PRKCE: variants seen among roughly 807,000 people sequenced by gnomAD.
The protein encoded by PRKCE is protein kinase C epsilon type.
In PRKCE, 16 loss-of-function variants were observed where a neutral mutation model predicts 85.4. The observed-to-expected ratio is 0.19, with a 90% CI of 0.13 to 0.28. The LOEUF is 0.28. Ranked by LOEUF, PRKCE falls within the 10% of genes least tolerant of loss-of-function variation. The pLI is 1.00. For missense variants in PRKCE, 573 were observed against 975.2 expected, an observed-to-expected ratio of 0.59 and a Z score of 5.49; for synonymous variants, 388 against 371.5, an observed-to-expected ratio of 1.04 and a Z score of -0.51.
intron 8 of PRKCE, among the ~76,000 whole-genome samples, chr2:46,006,877 T>C (rs1705248263): frequency 6.6e-6 from 1 of 152,218 alleles, no homozygotes; most frequent in African/African-American, 2.4e-5. Context: ...ATAAGCCCAT[T>C]GCTCATTTTG....
intron 1 of PRKCE, among the ~76,000 whole-genome samples, chr2:45,836,733 C>G (rs1185099548): frequency 6.6e-6 from 1 of 152,186 alleles, no homozygotes. Flanking sequence ...TCCTTTCTCA[C>G]TCTCCACCCT....
chr2:45,789,917 A>T (rs1049902082), intron 1 of PRKCE, among the ~76,000 whole-genome samples: 3 of 152,234 alleles, frequency 2.0e-5, no homozygotes, highest in African/African-American at 7.2e-5. Context: ...TCTGACACCT[A>T]AATGGTAGTG....
intron 1 of PRKCE, among the ~76,000 whole-genome samples, chr2:45,707,592 A>G (rs1477210974): frequency 6.6e-6 from 1 of 152,096 alleles, no homozygotes; most frequent in Admixed American, 6.6e-5. Flanking sequence ...CTTTTGGGAG[A>G]GGCTTTATCT....
chr2:45,919,019 A>G (rs1054873345), intron 2 of PRKCE, among the ~76,000 whole-genome samples: 5 of 152,096 alleles, frequency 3.3e-5, no homozygotes, highest in African/African-American at 9.7e-5. Context: ...AGCCACCTGG[A>G]GAGGGTGTCA....
chr2:45,748,206 G>T (rs1683287588), intron 1 of PRKCE, among the ~76,000 whole-genome samples: 1 of 152,190 alleles, frequency 6.6e-6, no homozygotes, highest in African/African-American at 2.4e-5. Context: ...TATATGCCAG[G>T]CATCATCTCA....
At chr2:45,919,207 T>G (rs1157724789) in intron 2 of PRKCE, among the ~76,000 whole-genome samples, 1 of 152,238 alleles carries the variant, frequency 6.6e-6, no homozygotes, top group Non-Finnish European at 1.5e-5. Flanking sequence ...AATTGGGCTC[T>G]TGGGCTGATG....
Position 45,770,101 on chromosome 2 carries a change from C to A in PRKCE, c.349-72899C>A, listed in dbSNP as rs1207694523. Among the ~76,000 whole-genome samples, 3 of 152,178 alleles carry A rather than the reference C, an allele frequency of 2.0e-5. No individual in the cohort carries two copies. In the East Asian group the frequency reaches 5.8e-4, roughly 29 times the overall value. On this transcript the variant is annotated intron_variant, in intron 1 of 14. Transcript: ENST00000306156. ...CTTCTCTATGCGCATGTCTTTTATC[C>A]CCTCTCTTGGGTGGCTCCTGCAGTA...
chr2:45,805,204 A>T (rs549124700), intron 1 of PRKCE, among the ~76,000 whole-genome samples: 11 of 152,350 alleles, frequency 7.2e-5, no homozygotes, highest in Non-Finnish European at 1.5e-4. Context: ...TTCCTATCTT[A>T]CAGATGAGAA....
At chr2:46,106,298 G>T (rs1473099707) in intron 11 of PRKCE, among the ~76,000 whole-genome samples, 1 of 152,100 alleles carries the variant, frequency 6.6e-6, no homozygotes, top group Admixed American at 6.5e-5. Context: ...TCTTCTCATT[G>T]CTTATCTGTG....
chr2:45,835,749 C>G (rs1035951589), intron 1 of PRKCE, among the ~76,000 whole-genome samples: 2 of 151,988 alleles, frequency 1.3e-5, no homozygotes, highest in African/African-American at 2.4e-5. Context: ...CACCACCATG[C>G]TCAGCTATTT....
chr2:45,682,583 T>C (rs1401909283), intron 1 of PRKCE, among the ~76,000 whole-genome samples: 2 of 152,088 alleles, frequency 1.3e-5, no homozygotes, highest in African/African-American at 2.4e-5. Flanking sequence ...CACATCACCT[T>C]GCCTGGCTAA....
At chr2:46,047,091 C>G (rs931634307) in intron 10 of PRKCE, among the ~76,000 whole-genome samples, 1 of 152,186 alleles carries the variant, frequency 6.6e-6, no homozygotes, top group African/African-American at 2.4e-5. Flanking sequence ...ATGATTGAGG[C>G]AGGAATCCAA....
At chr2:45,789,336 A>C (rs887353043) in intron 1 of PRKCE, among the ~76,000 whole-genome samples, 11 of 152,244 alleles carry the variant, frequency 7.2e-5, no homozygotes, top group Non-Finnish European at 1.3e-4. Context: ...TACATTTATT[A>C]AAATACTGTT....
intron 3 of PRKCE, among the ~76,000 whole-genome samples, chr2:45,977,186 T>A (rs1310431647): frequency 6.6e-6 from 1 of 152,162 alleles, no homozygotes; most frequent in East Asian, 1.9e-4. Context: ...TGTGAGCCAT[T>A]GTACCCAGCT....
At chr2:46,158,968 T>C (rs1191457985) in intron 13 of PRKCE, among the ~76,000 whole-genome samples, 3 of 152,204 alleles carry the variant, frequency 2.0e-5, no homozygotes, top group African/African-American at 7.2e-5. Context: ...CCTACAAGCA[T>C]TGAAAAGGAA....
At chr2:46,111,192 TTATAA>T (rs75838214) in intron 11 of PRKCE, among the ~76,000 whole-genome samples, 103,739 of 151,372 alleles carry the variant, frequency 0.69, 36,471 homozygotes, top group East Asian at 0.94. Flanking sequence ...AAATGTCAAT[TTATAA>T]ATGTTAAGTT....
intron 2 of PRKCE, among the ~76,000 whole-genome samples, chr2:45,968,120 T>C (rs1413187660): frequency 6.6e-6 from 1 of 152,180 alleles, no homozygotes; most frequent in African/African-American, 2.4e-5. Flanking sequence ...CCATATACTC[T>C]GGAAGGCATT....
chr2:45,819,680 G>A (rs1689365337), intron 1 of PRKCE, among the ~76,000 whole-genome samples: 1 of 152,224 alleles, frequency 6.6e-6, no homozygotes, highest in South Asian at 2.1e-4. Flanking sequence ...CAGCCTGGAT[G>A]ACACTGTATA....
At chr2:46,171,864 C>T (rs903279762) in intron 14 of PRKCE, among the ~76,000 whole-genome samples, 1 of 152,192 alleles carries the variant, frequency 6.6e-6, no homozygotes, top group African/African-American at 2.4e-5. Flanking sequence ...GAAAAGACAC[C>T]TCAGACTGAG....
Sources: allele counts gnomAD v4.1 joint callset (sites outside exome capture counted in the v4.1 genomes callset), GRCh38; gene constraint gnomAD v4.1.1; transcripts MANE v1.5; gene names NCBI Gene and HGNC (gene_info 2026-07-23, HGNC 2026-07-21).